Variants in MAPRE3 observed in about 807,000 individuals in gnomAD.
MAPRE3 encodes microtubule-associated protein RP/EB family member 3.
Under a neutral mutation model 30.5 loss-of-function variants are expected in MAPRE3, and 2 were observed. The ratio of observed to expected loss-of-function variants is 0.07; its 90% CI spans 0.03 to 0.21. MAPRE3 has a LOEUF of 0.21. MAPRE3 is among the 10% of genes least tolerant of loss of function. The probability of loss-of-function intolerance (pLI) is 1.00; values close to 1 mark genes in which losing one functional copy is unlikely to be tolerated. For missense variants in MAPRE3, 204 were observed against 351.8 expected, an observed-to-expected ratio of 0.58 and a Z score of 3.36; for synonymous variants, 110 against 127.7, an observed-to-expected ratio of 0.86 and a Z score of 0.93.
intron 1 of MAPRE3, among the ~76,000 whole-genome samples, chr2:26,988,196 A>T (rs1666259817): frequency 6.6e-6 from 1 of 152,196 alleles, no homozygotes; most frequent in Non-Finnish European, 1.5e-5. Context: ...TCTTCATGGG[A>T]CCAGCATCCT....
chr2:26,973,384 A>G (rs1344404505), intron 1 of MAPRE3, among the ~76,000 whole-genome samples: 1 of 152,192 alleles, frequency 6.6e-6, no homozygotes, highest in Non-Finnish European at 1.5e-5. Context: ...TAGGCATAGT[A>G]GGAGGCTATT....
At chr2:27,013,860 G>C (rs2148221511) in intron 1 of MAPRE3, 1 of 152,392 alleles carries the variant, frequency 6.6e-6, no homozygotes, top group South Asian at 2.1e-4. Context: ...AGCCCCCAAA[G>C]CAGCGTGATG....
At chr2:27,023,627 T>C (rs1357123756) in intron 3 of MAPRE3, 150 bp downstream of exon 3, 1 of 858,360 alleles carries the variant, frequency 1.2e-6, no homozygotes, top group Admixed American at 2.2e-5. Context: ...ATTTTCCCCC[T>C]GCTCAAGGCA....
chr2:26,972,472 C>T (rs1005095955), intron 1 of MAPRE3, among the ~76,000 whole-genome samples: 1 of 152,246 alleles, frequency 6.6e-6, no homozygotes, highest in Admixed American at 6.5e-5. Flanking sequence ...CTATAGCCCC[C>T]ATCCAGCAGG....
chr2:26,996,579 G>A (rs1236216544), intron 1 of MAPRE3, among the ~76,000 whole-genome samples: 1 of 151,910 alleles, frequency 6.6e-6, no homozygotes, highest in Non-Finnish European at 1.5e-5. Flanking sequence ...GAGGCGGGCA[G>A]ATCATGAGGT....
chr2:27,020,941 T>G (rs1667097960), intron 1 of MAPRE3, among the ~76,000 whole-genome samples: 3 of 152,110 alleles, frequency 2.0e-5, no homozygotes, highest in Admixed American at 2.0e-4. Context: ...ATCCGTGGGA[T>G]CCACATCTGT....
chr2:27,018,413 A>G (rs1452457065), intron 1 of MAPRE3, among the ~76,000 whole-genome samples: 1 of 152,098 alleles, frequency 6.6e-6, no homozygotes, highest in African/African-American at 2.4e-5. Flanking sequence ...GAGTCTGACC[A>G]CTGTGGCCCT....
intron 1 of MAPRE3, among the ~76,000 whole-genome samples, chr2:26,980,444 G>T (rs922696626): frequency 6.6e-6 from 1 of 152,182 alleles, no homozygotes; most frequent in African/African-American, 2.4e-5. Context: ...AATATATTTT[G>T]TGTATTAAAA....
At chr2:26,999,798 A>G (rs530080173) in intron 1 of MAPRE3, among the ~76,000 whole-genome samples, 2 of 151,766 alleles carry the variant, frequency 1.3e-5, no homozygotes, top group Non-Finnish European at 2.9e-5. Context: ...TACTGTGCCC[A>G]GCCCAACTAC....
chr2:27,017,955 G>C (rs1478574335), intron 1 of MAPRE3, among the ~76,000 whole-genome samples: 2 of 152,182 alleles, frequency 1.3e-5, no homozygotes, highest in Non-Finnish European at 1.5e-5. Context: ...TGCAATGCAT[G>C]GAAGAGGCCT....
chr2:26,989,262 T>G (rs1169146716), intron 1 of MAPRE3, among the ~76,000 whole-genome samples: 3 of 152,106 alleles, frequency 2.0e-5, no homozygotes, highest in African/African-American at 7.2e-5. Flanking sequence ...CCCGCTAGGC[T>G]CCAAAGCCCT....
At chr2:27,021,256 C>A (rs1667105407) in intron 1 of MAPRE3, among the ~76,000 whole-genome samples, 1 of 152,108 alleles carries the variant, frequency 6.6e-6, no homozygotes, top group Non-Finnish European at 1.5e-5. Flanking sequence ...CAACGGTATG[C>A]ATAAATCCTG....
Position 27,025,912 on chromosome 2 carries a change from G to A in MAPRE3, c.657G>A (p.Leu219=), listed in dbSNP as rs772951487. 3 of 1,614,198 alleles carry A rather than the reference G, an allele frequency of 1.9e-6. No homozygotes were observed. Among genetic ancestry groups the A allele is most frequent in the African/African-American group, 1.3e-5 (1 of 75,034 alleles). ...ACTTGAAGCTGACAGTGGATGGGCT[G>A]GAGAAGGAACGTGACTTCTACTTCA... ...LVDLKLTVDG[L]EKERDFYFSK... is the part of the protein sequence containing the mutation. Residue 219 remains leucine, a synonymous_variant, in exon 6 of 7, where the codon CTG becomes CTA. Transcript: ENST00000233121.
chr2:27,013,921 A>G (rs1160715105), intron 1 of MAPRE3: 3 of 152,244 alleles, frequency 2.0e-5, no homozygotes, highest in Non-Finnish European at 2.9e-5. Flanking sequence ...CAACAGCCCC[A>G]TGCTCAATCA....
chr2:27,000,597 T>C (rs1022746980), intron 1 of MAPRE3, among the ~76,000 whole-genome samples: 2 of 152,252 alleles, frequency 1.3e-5, no homozygotes, highest in Non-Finnish European at 2.9e-5. Context: ...GTTATTTCAT[T>C]TGATTCTGCC....
chr2:26,976,974 G>A (rs146997593), intron 1 of MAPRE3, among the ~76,000 whole-genome samples: 194 of 152,276 alleles, frequency 1.3e-3, no homozygotes, highest in African/African-American at 4.5e-3. Flanking sequence ...ACAACCAAAA[G>A]TGCCAGCAAC....
At position 27,006,680 on chromosome 2, in the gene MAPRE3, C is replaced by T. The variant is rs140379153; in HGVS notation, c.-7-15532C>T. Among the ~76,000 whole-genome samples, 1,465 of 152,224 alleles carry T rather than the reference C, an allele frequency of 9.6e-3. 6 individuals carry two copies. Among genetic ancestry groups the T allele is most frequent in the Non-Finnish European group, 0.016 (1,117 of 68,006 alleles). On this transcript the variant is annotated intron_variant, in intron 1 of 6. Transcript: ENST00000233121. ...AACTCCTGACCTCAAGCAGTCCTCC[C>T]GCCCCAGACTCCCAAACCACTGAGA...
At chr2:26,989,630 T>C (rs1053207280) in intron 1 of MAPRE3, among the ~76,000 whole-genome samples, 11 of 152,174 alleles carry the variant, frequency 7.2e-5, no homozygotes, top group African/African-American at 2.7e-4. Flanking sequence ...GAAGAGCTGG[T>C]GTAGAGGAGG....
chr2:26,982,760 A>G (rs1037316291), intron 1 of MAPRE3, among the ~76,000 whole-genome samples: 18 of 152,240 alleles, frequency 1.2e-4, no homozygotes, highest in African/African-American at 3.9e-4. Flanking sequence ...GGCAGGGACC[A>G]TGTGAGACCT....
Sources: gnomAD v4.1 joint callset for allele counts (sites outside exome capture counted in the v4.1 genomes callset) on GRCh38, gnomAD v4.1.1 for gene constraint, MANE v1.5 for transcripts, NCBI Gene and HGNC (gene_info 2026-07-23, HGNC 2026-07-21) for gene names.